CNTNAP2: variants seen among roughly 807,000 people sequenced by gnomAD.
CNTNAP2 encodes contactin-associated protein-like 2.
Under a neutral mutation model 155.2 loss-of-function variants are expected in CNTNAP2, and 98 were observed. That is an observed-to-expected ratio of 0.63 (90% CI 0.54 to 0.75). CNTNAP2 has a LOEUF of 0.75. Ranked by LOEUF, CNTNAP2 falls within the 30% of genes least tolerant of loss-of-function variation. The pLI is 0.00. For missense variants in CNTNAP2, 1,727 were observed against 1,688.1 expected, an observed-to-expected ratio of 1.02 and a Z score of -0.40; for synonymous variants, 651 against 631.2, an observed-to-expected ratio of 1.03 and a Z score of -0.47.
At chr7:148,116,170 C>A (rs1804466555) in intron 15 of CNTNAP2, among the ~76,000 whole-genome samples, 1 of 151,648 alleles carries the variant, frequency 6.6e-6, no homozygotes, top group South Asian at 2.1e-4. Context: ...CTTAAGACTG[C>A]ACTAAGATTA....
chr7:148,344,941 C>T (rs1397621528), intron 21 of CNTNAP2, among the ~76,000 whole-genome samples: 2 of 152,130 alleles, frequency 1.3e-5, no homozygotes, highest in Non-Finnish European at 1.5e-5. Context: ...CAGTCCATGC[C>T]GCGATTTAGC....
Position 148,105,216 on chromosome 7 carries a change from G to T in CNTNAP2, c.2384-12902G>T, listed in dbSNP as rs78656977. Among the ~76,000 whole-genome samples, 1,456 of 152,320 alleles carry T rather than the reference G, an allele frequency of 9.6e-3. 19 individuals are homozygous for T. Among genetic ancestry groups the T allele is most frequent in the African/African-American group, 0.033 (1,388 of 41,564 alleles). On this transcript the variant is annotated intron_variant, in intron 15 of 23. Transcript: ENST00000361727. Reference sequence around the variant, plus strand: ...AGTCCGGGGATACGTCAGAAAGACTGTCTGGAGGAGGTGGCATCTGAACTG... The same window carrying T: ...AGTCCGGGGATACGTCAGAAAGACTTTCTGGAGGAGGTGGCATCTGAACTG...
chr7:147,760,258 G>C (rs954485984), intron 13 of CNTNAP2, among the ~76,000 whole-genome samples: 1 of 150,084 alleles, frequency 6.7e-6, no homozygotes, highest in Non-Finnish European at 1.5e-5. Flanking sequence ...AAAAAAAAAA[G>C]AATTGAAGAA....
rs547205464 is a variant in CNTNAP2 at position 146,791,015 on chromosome 7, C to T, written c.208+16634C>T. Reference sequence around the variant, plus strand: ...ATACATGTGCCACGGTGGTTTGCTGCACCCATCAACCCGTTATCTACAATA... The same window carrying T: ...ATACATGTGCCACGGTGGTTTGCTGTACCCATCAACCCGTTATCTACAATA... On this transcript the variant is annotated intron_variant, in intron 2 of 23. Coordinates refer to ENST00000361727, the MANE Select transcript of CNTNAP2 (RefSeq NM_014141.6). Among the ~76,000 whole-genome samples the T allele has an allele frequency of 1.3e-4, 20 of 151,918 alleles. No homozygotes were observed. The South Asian group carries it at 1.7e-3, about 13-fold the overall frequency.
chr7:146,945,043 C>G (rs1015825771), intron 3 of CNTNAP2, among the ~76,000 whole-genome samples: 2 of 152,128 alleles, frequency 1.3e-5, no homozygotes, highest in Non-Finnish European at 2.9e-5. Context: ...TAAAAATACT[C>G]AGTGCACGTG....
At chr7:146,391,920 G>C (rs1795550204) in intron 1 of CNTNAP2, among the ~76,000 whole-genome samples, 1 of 151,960 alleles carries the variant, frequency 6.6e-6, no homozygotes, top group Non-Finnish European at 1.5e-5. Context: ...GAAACAAGCT[G>C]TACAACAAAA....
intron 13 of CNTNAP2, among the ~76,000 whole-genome samples, chr7:147,648,059 T>C (rs1296444222): frequency 1.3e-5 from 2 of 152,138 alleles, no homozygotes; most frequent in African/African-American, 4.8e-5. Flanking sequence ...AAAAGGTTGA[T>C]GGTACGAGGA....
intron 1 of CNTNAP2, among the ~76,000 whole-genome samples, chr7:146,502,239 A>ATATATATATGAATATATATGTG (rs1563109686): frequency 3.7e-4 from 44 of 120,224 alleles, no homozygotes; most frequent in African/African-American, 1.4e-3. Context: ...ATATATATAT[A>ATATATATATGAATATATATGTG]TATATATATA....
intron 1 of CNTNAP2, among the ~76,000 whole-genome samples, chr7:146,474,765 G>A (rs931361853): frequency 2.0e-5 from 3 of 152,128 alleles, no homozygotes; most frequent in African/African-American, 7.2e-5. Flanking sequence ...AAAAATAAAA[G>A]TAGACCTGAC....
chr7:148,324,037 C>T (rs1005871574), intron 21 of CNTNAP2, among the ~76,000 whole-genome samples: 1 of 152,034 alleles, frequency 6.6e-6, no homozygotes, highest in Non-Finnish European at 1.5e-5. Context: ...GTGCACACCA[C>T]CACACTCCAC....
At chr7:146,427,973 A>G (rs775715934) in intron 1 of CNTNAP2, among the ~76,000 whole-genome samples, 20 of 152,090 alleles carry the variant, frequency 1.3e-4, no homozygotes, top group Admixed American at 1.3e-4. Flanking sequence ...GCTCCCACGT[A>G]TGCGTGAGAA....
intron 1 of CNTNAP2, among the ~76,000 whole-genome samples, chr7:146,209,983 G>C (rs901166517): frequency 2.6e-5 from 4 of 152,118 alleles, no homozygotes; most frequent in Non-Finnish European, 4.4e-5. Flanking sequence ...GCTGCTGTGT[G>C]CTCCCCTAGA....
At position 148,351,621 on chromosome 7, in the gene CNTNAP2, C is replaced by T. The variant is rs966734285; in HGVS notation, c.3476-32028C>T. On this transcript the variant is annotated intron_variant, in intron 21 of 23. Coordinates refer to ENST00000361727, the MANE Select transcript of CNTNAP2 (RefSeq NM_014141.6). ...AGCTGGGCGTGGTGGTGTGTGCCTG[C>T]AATCCCACCTACTCAGGAGGCTATG... Among the ~76,000 whole-genome samples the T allele has an allele frequency of 2.0e-5, 3 of 151,228 alleles. No homozygotes were observed. In the South Asian group the frequency reaches 6.3e-4, roughly 32 times the overall value.
chr7:147,962,414 C>A (rs371980575), intron 14 of CNTNAP2, among the ~76,000 whole-genome samples: 5 of 152,136 alleles, frequency 3.3e-5, no homozygotes, highest in African/African-American at 1.2e-4. Context: ...GATCAGCTGC[C>A]CCTCCCTGTC....
chr7:147,129,636 G>T (rs1801310293), intron 7 of CNTNAP2, among the ~76,000 whole-genome samples: 1 of 152,094 alleles, frequency 6.6e-6, no homozygotes, highest in Non-Finnish European at 1.5e-5. Context: ...ACAATAAGAA[G>T]ATATTATGCA....
intron 1 of CNTNAP2, among the ~76,000 whole-genome samples, chr7:146,586,161 TG>T (rs1798688730): frequency 6.6e-6 from 1 of 152,190 alleles, no homozygotes; most frequent in Non-Finnish European, 1.5e-5. Flanking sequence ...AAAATGTATC[TG>T]GGTCTACACA....
intron 15 of CNTNAP2, among the ~76,000 whole-genome samples, chr7:148,015,582 C>G (rs1042805988): frequency 2.0e-5 from 3 of 152,206 alleles, no homozygotes; most frequent in African/African-American, 7.2e-5. Context: ...CACTATTTAG[C>G]ATCCCTTAAT....
rs1544591 is a variant in CNTNAP2 at position 146,849,079 on chromosome 7, C to T, written c.402+9175C>T. Reference sequence around the variant, plus strand: ...TATAGGGGTGAGCCACTGCACCCAGCAAAAAGCTGACTTTTTAAAATAAAA... The same window carrying T: ...TATAGGGGTGAGCCACTGCACCCAGTAAAAAGCTGACTTTTTAAAATAAAA... On this transcript the variant is annotated intron_variant, in intron 3 of 23. Transcript: ENST00000361727. Among the ~76,000 whole-genome samples the T allele has an allele frequency of 5.6e-3, 847 of 151,976 alleles. 8 individuals are homozygous for T. Among genetic ancestry groups the T allele is most frequent in the African/African-American group, 0.019 (781 of 41,462 alleles).
At chr7:146,746,079 T>C (rs1801805537) in intron 1 of CNTNAP2, among the ~76,000 whole-genome samples, 2 of 152,330 alleles carry the variant, frequency 1.3e-5, no homozygotes, top group Non-Finnish European at 2.9e-5. Flanking sequence ...TCCATCGTTC[T>C]CCAAAAGGGA....
Sources: gnomAD v4.1 joint callset for allele counts (sites outside exome capture counted in the v4.1 genomes callset) on GRCh38, gnomAD v4.1.1 for gene constraint, MANE v1.5 for transcripts, NCBI Gene and HGNC (gene_info 2026-07-23, HGNC 2026-07-21) for gene names.